The following MAML3 variants were observed in gnomAD, a reference collection of about 807,000 sequenced individuals.
MAML3 encodes mastermind like transcriptional coactivator 3.
MAML3 carries 27 observed loss-of-function variants against 101.9 expected under a neutral mutation model. That is an observed-to-expected ratio of 0.27 (90% CI 0.20 to 0.37). The LOEUF is 0.37. MAML3 is among the 10% of genes least tolerant of loss of function. The probability of loss-of-function intolerance (pLI) is 1.00; values close to 1 mark genes in which losing one functional copy is unlikely to be tolerated. For synonymous variants in MAML3, 501 were observed against 555.9 expected, an observed-to-expected ratio of 0.90 and a Z score of 1.39; for missense variants, 1,316 against 1,444.9, an observed-to-expected ratio of 0.91 and a Z score of 1.45.
chr4:139,729,968 C>A (rs1044580548), intron 3 of MAML3, among the ~76,000 whole-genome samples: 8 of 152,230 alleles, frequency 5.3e-5, no homozygotes, highest in Non-Finnish European at 1.0e-4. Context: ...GTTCATTACC[C>A]ATTCTATAGA....
chr4:139,854,860 C>T (rs1731627793), intron 2 of MAML3, among the ~76,000 whole-genome samples: 1 of 110,666 alleles, frequency 9.0e-6, no homozygotes, highest in Non-Finnish European at 2.3e-5. Context: ...CAAGGATATC[C>T]TGCTGTGCTG....
intron 1 of MAML3, among the ~76,000 whole-genome samples, chr4:140,034,413 G>C (rs191855986): frequency 1.3e-5 from 2 of 152,328 alleles, no homozygotes; most frequent in East Asian, 3.9e-4. Flanking sequence ...CCTTGAAAAA[G>C]AGATGGAGTT....
intron 2 of MAML3, among the ~76,000 whole-genome samples, chr4:139,851,406 T>C (rs1315143061): frequency 6.6e-6 from 1 of 152,226 alleles, no homozygotes; most frequent in Non-Finnish European, 1.5e-5. Context: ...AAATCCACTT[T>C]ACAGTGCCAG....
At chr4:139,767,020 G>A (rs1053052632) in intron 2 of MAML3, among the ~76,000 whole-genome samples, 17 of 152,190 alleles carry the variant, frequency 1.1e-4, no homozygotes, top group African/African-American at 3.9e-4. Flanking sequence ...AAGTATACAC[G>A]TGACTATTAT....
intron 2 of MAML3, among the ~76,000 whole-genome samples, chr4:139,846,749 A>AT (rs1731458739): frequency 6.6e-6 from 1 of 152,166 alleles, no homozygotes; most frequent in Non-Finnish European, 1.5e-5. Flanking sequence ...CCATTAAAAC[A>AT]TTTTTGCTTC....
intron 4 of MAML3, among the ~76,000 whole-genome samples, chr4:139,721,567 C>G (rs1484907291): frequency 4.6e-5 from 7 of 152,152 alleles, no homozygotes; most frequent in Non-Finnish European, 8.8e-5. Flanking sequence ...TTTTTGTCTT[C>G]CTGATGTGGC....
intron 4 of MAML3, 24 bp from the exon 5 acceptor site, chr4:139,720,347 A>T: frequency 6.6e-7 from 1 of 1,510,878 alleles, no homozygotes; most frequent in Non-Finnish European, 8.8e-7. Context: ...GAGGACACAT[A>T]CCACTCACTC....
chr4:139,871,757 C>T (rs970629292), intron 2 of MAML3, among the ~76,000 whole-genome samples: 11 of 152,154 alleles, frequency 7.2e-5, no homozygotes, highest in African/African-American at 2.2e-4. Context: ...TTTCCCTACT[C>T]CCCTTTCTGA....
chr4:139,971,450 T>TA (rs1200977593), intron 1 of MAML3, among the ~76,000 whole-genome samples: 3 of 152,206 alleles, frequency 2.0e-5, no homozygotes, highest in African/African-American at 7.2e-5. Context: ...AACAGAACCT[T>TA]AGAGAATAAA....
At chr4:140,014,511 G>A (rs1184104900) in intron 1 of MAML3, among the ~76,000 whole-genome samples, 1 of 152,146 alleles carries the variant, frequency 6.6e-6, no homozygotes, top group Non-Finnish European at 1.5e-5. Flanking sequence ...TTAGTCATTC[G>A]ACAAATATTC....
At position 140,128,344 on chromosome 4, in the gene MAML3, A is replaced by G. The variant is rs563160774; in HGVS notation, c.468+24516T>C. Among the ~76,000 whole-genome samples, 8 of 152,334 alleles carry G rather than the reference A, an allele frequency of 5.3e-5. No homozygotes were observed. In the East Asian group the frequency reaches 1.5e-3, roughly 29 times the overall value. ...AAGATGAGGGCAGTATGGAGCTCAG[A>G]GAAGAACCATGTGCTGAGGAACAAC... On this transcript the variant is annotated intron_variant, in intron 1 of 4. Transcript: ENST00000509479.
intron 2 of MAML3, among the ~76,000 whole-genome samples, chr4:139,782,800 C>A (rs978286563): frequency 6.6e-6 from 1 of 152,180 alleles, no homozygotes; most frequent in Non-Finnish European, 1.5e-5. Context: ...CTGATGTCAA[C>A]CCCACAGCTC....
intron 1 of MAML3, among the ~76,000 whole-genome samples, chr4:139,898,230 G>C (rs1226988724): frequency 6.6e-6 from 1 of 152,250 alleles, no homozygotes; most frequent in East Asian, 1.9e-4. Flanking sequence ...TCTTGAAAAT[G>C]TTGGACTGCA....
chr4:139,772,021 C>T lies in MAML3; in HGVS notation c.2080-41354G>A, dbSNP rs181573161. Among the ~76,000 whole-genome samples the T allele has an allele frequency of 6.7e-3, 1,020 of 151,152 alleles. 13 individuals carry two copies. The highest frequency in any genetic ancestry group is 0.021 in the African/African-American group (880 of 41,210). On this transcript the variant is annotated intron_variant, in intron 2 of 4. Coordinates refer to ENST00000509479, the MANE Select transcript of MAML3 (RefSeq NM_018717.5). Reference sequence around the variant, plus strand: ...TTGGGAGGCCGAGGTGGGCGGATCACGAGGTCAGCAGATCCAGACCATCCT... The same window carrying T: ...TTGGGAGGCCGAGGTGGGCGGATCATGAGGTCAGCAGATCCAGACCATCCT...
At position 139,861,477 on chromosome 4, in the gene MAML3, A is replaced by ATGTGTGTGTGTGTGTGTGTG. The variant is rs55851938; in HGVS notation, c.2079+27860_2079+27879dup. 2.5e-3 allele frequency among the ~76,000 whole-genome samples: 359 copies of ATGTGTGTGTGTGTGTGTGTG among 146,472 alleles called. 1 individual carries two copies. Among genetic ancestry groups the ATGTGTGTGTGTGTGTGTGTG allele is most frequent in the African/African-American group, 8.6e-3 (339 of 39,200 alleles). ...AGATGTATGAATGTCTAACCAGCCG[A>ATGTGTGTGTGTGTGTGTGTG]TGTGTGTGTGTGTGTGTGTGTGTGT... is the stretch of plus-strand genomic sequence containing the variant. On this transcript the variant is annotated intron_variant, in intron 2 of 4. Coordinates refer to ENST00000509479, the MANE Select transcript of MAML3 (RefSeq NM_018717.5).
chr4:140,083,953 CACACACACACACACAGAGAGAGAGAGAG>C, intron 1 of MAML3, among the ~76,000 whole-genome samples: 1 of 26,570 alleles, frequency 3.8e-5, no homozygotes, highest in South Asian at 1.7e-3. Flanking sequence ...CACACACACA[CACACACACACACACAGAGAGAGAGAGAG>C]AGAGAGAGAG....
At chr4:139,883,160 A>G (rs1451807311) in intron 2 of MAML3, among the ~76,000 whole-genome samples, 1 of 152,194 alleles carries the variant, frequency 6.6e-6, no homozygotes, top group Non-Finnish European at 1.5e-5. Context: ...GCAGGACAGA[A>G]GTGGACAGAA....
intron 1 of MAML3, among the ~76,000 whole-genome samples, chr4:140,101,855 T>C (rs1393327459): frequency 2.6e-5 from 4 of 152,096 alleles, no homozygotes; most frequent in Non-Finnish European, 5.9e-5. Context: ...TGAGCATTTT[T>C]TTTTTTTTTT....
intron 4 of MAML3, among the ~76,000 whole-genome samples, chr4:139,722,645 GA>G (rs1317994640): frequency 6.6e-6 from 1 of 152,004 alleles, no homozygotes; most frequent in Admixed American, 6.6e-5. Flanking sequence ...CTGTATTTGT[GA>G]AAAAAATAAG....
Sources: allele counts gnomAD v4.1 joint callset (sites outside exome capture counted in the v4.1 genomes callset), GRCh38; gene constraint gnomAD v4.1.1; transcripts MANE v1.5; gene names NCBI Gene and HGNC (gene_info 2026-07-23, HGNC 2026-07-21).